PROSER2: variants seen among roughly 807,000 people sequenced by gnomAD.
The protein encoded by PROSER2 is proline and serine-rich protein 2.
In PROSER2, 18 loss-of-function variants were observed where a neutral mutation model predicts 14.6. The ratio of observed to expected loss-of-function variants is 1.23; its 90% confidence interval spans 0.85 to 1.83. The LOEUF (loss-of-function observed/expected upper bound fraction) is 1.83, where lower values mean the gene tolerates loss of function less well. PROSER2 is among the 40% of genes most tolerant of loss of function. The pLI is 0.00. For synonymous variants in PROSER2, 367 were observed against 286.4 expected (o/e 1.28, Z -2.84); for missense variants, 823 against 629.8 (o/e 1.31, Z -3.28).
chr10:11,844,765 G>A (rs1159362951), intron 1 of PROSER2, among the ~76,000 whole-genome samples: 1 of 152,172 alleles, frequency 6.6e-6, no homozygotes, highest in Non-Finnish European at 1.5e-5. Context: ...GGGATTACCG[G>A]CATGAGCTAC....
chr10:11,833,414 G>A (rs1833715167), intron 1 of PROSER2, among the ~76,000 whole-genome samples: 1 of 151,710 alleles, frequency 6.6e-6, no homozygotes, highest in Non-Finnish European at 1.5e-5. Flanking sequence ...TTGCCGGCTG[G>A]GTGTGGTGGC....
chr10:11,834,048 G>A (rs933833777), intron 1 of PROSER2, among the ~76,000 whole-genome samples: 2 of 132,086 alleles, frequency 1.5e-5, no homozygotes, highest in South Asian at 2.6e-4. Context: ...AGGCTGGAGT[G>A]CAGTGGTGCA....
rs569917088 is a variant in PROSER2 at position 11,870,304 on chromosome 10, C to T, written c.1206C>T (p.Pro402=). The part of the protein sequence containing the change: ...AQDWRRADSL[P]RPQGITVQFA... ...ACTGGCGCCGCGCAGACTCCCTGCC[C>T]CGGCCCCAGGGCATCACCGTGCAGT... The change falls in exon 4 of 4, where the codon CCC becomes CCT. Residue 402 remains proline (P), a synonymous_variant. Transcript: ENST00000277570. 1.5e-5 allele frequency: 23 copies of T among 1,494,714 alleles called. No individual in the cohort carries two copies. The Middle Eastern group carries it at 1.1e-3, about 70-fold the overall frequency. The allele number at this position is 1,494,714 out of a possible 1,614,324, so 92.6% of individuals were successfully genotyped here.
chr10:11,849,800 C>G (rs558211080), intron 1 of PROSER2: 1 of 152,436 alleles, frequency 6.6e-6, no homozygotes, highest in South Asian at 2.1e-4. Flanking sequence ...TCCCAAAGCT[C>G]ATGTGTTGGA....
At chr10:11,835,845 A>T (rs1833753213) in intron 1 of PROSER2, among the ~76,000 whole-genome samples, 1 of 152,104 alleles carries the variant, frequency 6.6e-6, no homozygotes, top group African/African-American at 2.4e-5. Context: ...GTGTTTACTG[A>T]TCTTTATTTT....
In PROSER2 at chr10:11,826,879, CT is replaced by C. The variant is rs780415085; in HGVS notation, c.-82+3427del. ...ACAGGCATGAGCCACTGCACCCGGC[CT>C]TTTTTTTTTTTTTTTTTCCTCTGAC... is the stretch of plus-strand genomic sequence containing the variant. On this transcript the variant is annotated intron_variant, in intron 1 of 3. Coordinates refer to ENST00000277570, the MANE Select transcript of PROSER2 (RefSeq NM_153256.4). Among the ~76,000 whole-genome samples, 231 of 105,166 alleles carry C rather than the reference CT, an allele frequency of 2.2e-3. 1 individual carries two copies. The highest frequency in any genetic ancestry group is 4.6e-3 in the African/African-American group (140 of 30,538). The allele number at this position is 105,166 out of a possible 152,430, so 69.0% of individuals were successfully genotyped here. A position where few individuals can be genotyped will look rare whatever the true frequency, so the allele number is the denominator to read the frequency against.
chr10:11,828,250 G>T (rs1471574108), intron 1 of PROSER2, among the ~76,000 whole-genome samples: 4 of 149,652 alleles, frequency 2.7e-5, no homozygotes, highest in African/African-American at 7.4e-5. Context: ...GATTCTGGGG[G>T]TATTTCAAAC....
intron 1 of PROSER2, among the ~76,000 whole-genome samples, chr10:11,841,259 T>C (rs1342940068): frequency 6.6e-6 from 1 of 152,058 alleles, no homozygotes; most frequent in African/African-American, 2.4e-5. Flanking sequence ...AAATTGTTCA[T>C]AAAAACCTTT....
chr10:11,869,604 A>C lies in PROSER2; in HGVS notation c.506A>C (p.Asp169Ala). 2 of 1,601,496 alleles carry C rather than the reference A, an allele frequency of 1.2e-6. No homozygotes were observed. The highest frequency in any genetic ancestry group is 1.4e-5 in the African/African-American group (1 of 73,578). Residue 169 changes from aspartate (D) to alanine (A), a missense_variant, in exon 4 of 4, where the codon GAT (aspartate) becomes GCT (alanine). Asp to Ala is a moderately radical substitution (Grantham distance 126, BLOSUM62 -2). Coordinates refer to ENST00000277570, the MANE Select transcript of PROSER2 (RefSeq NM_153256.4). The surrounding 1 kb of genome is among the most constrained non-coding windows in gnomAD (Gnocchi z 4.4). The part of the protein sequence containing the change: ...LAPPPLPSTP[D>A]PPRRELRAPS... ...CCACCACCCCTGCCTAGCACCCCCG[A>C]TCCCCCCAGGAGGGAGCTGCGCGCC...
At chr10:11,843,378 C>A (rs1330494260) in intron 1 of PROSER2, among the ~76,000 whole-genome samples, 1 of 150,306 alleles carries the variant, frequency 6.7e-6, no homozygotes, top group Non-Finnish European at 1.5e-5. Flanking sequence ...CATGGTGAAA[C>A]CCCATCTCTA....
At chr10:11,853,701 G>T (rs1356333515) in intron 2 of PROSER2, among the ~76,000 whole-genome samples, 2 of 152,076 alleles carry the variant, frequency 1.3e-5, no homozygotes, top group Non-Finnish European at 2.9e-5. Context: ...CATCTTGTTT[G>T]GATCCATGCT....
Position 11,869,784 on chromosome 10 carries a change from C to A in PROSER2, c.686C>A (p.Ala229Asp). ...CGGCCCGGGGAGTGGAGGACACCTG[C>A]CGCCCGGGGGCCCCGCAGTGGAGAC... ...EGRPGEWRTP[A>D]ARGPRSGDPG... Residue 229 changes from alanine to aspartate, a missense_variant, in exon 4 of 4, where the codon GCC (alanine) becomes GAC (aspartate). Ala to Asp is a moderately radical substitution (Grantham distance 126). Coordinates refer to ENST00000277570, the MANE Select transcript of PROSER2 (RefSeq NM_153256.4). The surrounding 1 kb of genome is among the most constrained non-coding windows in gnomAD (Gnocchi z 4.4). 1 of 1,556,744 alleles carries A rather than the reference C, an allele frequency of 6.4e-7. No homozygotes were observed.
At chr10:11,845,949 C>A (rs1210044949) in intron 1 of PROSER2, among the ~76,000 whole-genome samples, 1 of 152,218 alleles carries the variant, frequency 6.6e-6, no homozygotes, top group Admixed American at 6.5e-5. Context: ...CAGCCATTGT[C>A]TCCTTAAACA....
In PROSER2 at chr10:11,866,650, G is replaced by A; in HGVS notation, c.258G>A (p.Val86=). 2 of 1,614,194 alleles carry A rather than the reference G, an allele frequency of 1.2e-6. No individual in the cohort carries two copies. Among genetic ancestry groups the A allele is most frequent in the Non-Finnish European group, 1.7e-6 (2 of 1,180,038 alleles). ...AGCCAGTGCTGTGCGATGGAGGAGT[G>A]TGCTGCCTCTGCTCCCCGTCTCTGG... ...FEEPVLCDGG[V]CCLCSPSLEE... The change falls in exon 3 of 4, where the codon GTG becomes GTA. Residue 86 remains valine, a synonymous_variant. Coordinates refer to ENST00000277570, the MANE Select transcript of PROSER2 (RefSeq NM_153256.4). This position sits in a 1 kb window ranked among gnomAD's most constrained non-coding sequence, Gnocchi z 6.0.
intron 1 of PROSER2, among the ~76,000 whole-genome samples, chr10:11,847,536 G>A (rs1163704935): frequency 1.3e-5 from 2 of 152,156 alleles, no homozygotes; most frequent in African/African-American, 2.4e-5. Flanking sequence ...TCCTGCCTCA[G>A]TCTCCCGAGT....
chr10:11,848,770 G>T (rs1833965592), intron 1 of PROSER2, among the ~76,000 whole-genome samples: 1 of 152,160 alleles, frequency 6.6e-6, no homozygotes, highest in Admixed American at 6.5e-5. Flanking sequence ...CTTGAGCTGA[G>T]TTCACTGCTT....
rs1833672313 is a variant in PROSER2, at chr10:11,830,178, C to T, written c.-82+6708C>T. ...TTTTTCAGCCCTCCTCTCCCCACTCCATGGACCTTCCCACCTTTTGGAGTC... is the reference window on the plus strand; with the variant it reads ...TTTTTCAGCCCTCCTCTCCCCACTCTATGGACCTTCCCACCTTTTGGAGTC... On this transcript the variant is annotated intron_variant, in intron 1 of 3. Transcript: ENST00000277570. The surrounding 1 kb of genome is among the most constrained non-coding windows in gnomAD (Gnocchi z 4.5). Among the ~76,000 whole-genome samples, 1 of 152,148 alleles carries T rather than the reference C, an allele frequency of 6.6e-6. No homozygotes were observed. Among genetic ancestry groups the T allele is most frequent in the South Asian group, 2.1e-4 (1 of 4,836 alleles).
chr10:11,868,799 C>T (rs530302677), intron 3 of PROSER2, among the ~76,000 whole-genome samples: 41 of 152,246 alleles, frequency 2.7e-4, no homozygotes, highest in African/African-American at 9.4e-4. Flanking sequence ...TATAGGCACA[C>T]GCCACCACGC....
chr10:11,868,804 C>A (rs921105863), intron 3 of PROSER2, among the ~76,000 whole-genome samples: 1 of 152,142 alleles, frequency 6.6e-6, no homozygotes, highest in African/African-American at 2.4e-5. Context: ...GCACACGCCA[C>A]CACGCCCAGC....
Sources: allele counts gnomAD v4.1 joint callset (sites outside exome capture counted in the v4.1 genomes callset), GRCh38; gene constraint gnomAD v4.1.1; non-coding constraint Gnocchi (gnomAD v3.1); transcripts MANE v1.5; gene names NCBI Gene and HGNC (gene_info 2026-07-23, HGNC 2026-07-21).